Variants in DOCK3 observed in about 807,000 individuals in gnomAD.
The protein encoded by DOCK3 is dedicator of cytokinesis 3, also known as dedicator of cytokinesis protein 3.
In DOCK3, 60 loss-of-function variants were observed where a neutral mutation model predicts 265.6. The ratio of observed to expected loss-of-function variants is 0.23; its 90% confidence interval spans 0.18 to 0.28. The LOEUF (loss-of-function observed/expected upper bound fraction) is 0.28, where lower values mean the gene tolerates loss of function less well. Ranked by LOEUF, DOCK3 falls within the 10% of genes least tolerant of loss-of-function variation. The probability of loss-of-function intolerance (pLI) is 1.00; values close to 1 mark genes in which losing one functional copy is unlikely to be tolerated. For missense variants in DOCK3, 1,981 were observed against 2,594.3 expected, an observed-to-expected ratio of 0.76 and a Z score of 5.14; for synonymous variants, 881 against 938.0, an observed-to-expected ratio of 0.94 and a Z score of 1.11.
At chr3:50,759,637 A>G (rs1038267052) in intron 1 of DOCK3, among the ~76,000 whole-genome samples, 10 of 151,248 alleles carry the variant, frequency 6.6e-5, no homozygotes, top group South Asian at 2.1e-4. Flanking sequence ...CAGGAGTTCA[A>G]TACCAGCCTG....
At chr3:50,741,650 A>G (rs2039037389) in intron 1 of DOCK3, among the ~76,000 whole-genome samples, 1 of 149,686 alleles carries the variant, frequency 6.7e-6, no homozygotes, top group African/African-American at 2.4e-5. Context: ...TATATGTGCC[A>G]CATTTTCTTA....
intron 5 of DOCK3, among the ~76,000 whole-genome samples, chr3:51,021,926 G>A (rs755981820): frequency 6.6e-6 from 1 of 152,102 alleles, no homozygotes; most frequent in South Asian, 2.1e-4. Flanking sequence ...CTCCCTAAGT[G>A]CTGGGATTAC....
At chr3:51,303,034 T>C (rs767848996) in intron 27 of DOCK3, among the ~76,000 whole-genome samples, 2 of 152,200 alleles carry the variant, frequency 1.3e-5, no homozygotes, top group African/African-American at 2.4e-5. Flanking sequence ...GGTTCTGTTC[T>C]CCCTGTCTCA....
chr3:51,269,167 T>C (rs2080364368), intron 23 of DOCK3, among the ~76,000 whole-genome samples: 1 of 147,716 alleles, frequency 6.8e-6, no homozygotes. Flanking sequence ...ATACGTATAA[T>C]AATATACATA....
At position 50,687,812 on chromosome 3, in the gene DOCK3, T is replaced by C. The variant is rs541199161; in HGVS notation, c.37+12512T>C. Among the ~76,000 whole-genome samples, 7 of 152,324 alleles carry C rather than the reference T, an allele frequency of 4.6e-5. No homozygotes were observed. In the East Asian group the frequency reaches 9.6e-4, roughly 21 times the overall value. On this transcript the variant is annotated intron_variant, in intron 1 of 52. Transcript: ENST00000266037. ...AATGACCAGTTTAGTTTTCCTGATA[T>C]GTAATCATTCAAAGACTTGAATAGT...
At chr3:50,968,384 G>C (rs1395759471) in intron 5 of DOCK3, among the ~76,000 whole-genome samples, 1 of 152,106 alleles carries the variant, frequency 6.6e-6, no homozygotes, top group Non-Finnish European at 1.5e-5. Context: ...GTTTTCCATG[G>C]ATGTAGTGTG....
At chr3:51,222,135 C>T (rs959620837) in intron 14 of DOCK3, among the ~76,000 whole-genome samples, 8 of 152,216 alleles carry the variant, frequency 5.3e-5, no homozygotes, top group South Asian at 2.1e-4. Context: ...CACTGGTATG[C>T]AAACTAACCT....
At chr3:51,269,975 G>A (rs762422740) in intron 23 of DOCK3, among the ~76,000 whole-genome samples, 1 of 152,202 alleles carries the variant, frequency 6.6e-6, no homozygotes, top group African/African-American at 2.4e-5. Context: ...TTGAACTCGT[G>A]TCTAATTCCA....
intron 27 of DOCK3, among the ~76,000 whole-genome samples, chr3:51,302,908 C>T (rs2082434336): frequency 6.6e-6 from 1 of 152,016 alleles, no homozygotes; most frequent in African/African-American, 2.4e-5. Flanking sequence ...TGGGGTTGAT[C>T]TTCTTGTGGA....
chr3:50,961,093 A>G (rs1018805158), intron 5 of DOCK3, among the ~76,000 whole-genome samples: 1 of 152,172 alleles, frequency 6.6e-6, no homozygotes, highest in African/African-American at 2.4e-5. Flanking sequence ...TTGTAGGTAA[A>G]TATAGTAAGT....
chr3:51,252,842 A>C (rs904584636), intron 22 of DOCK3, among the ~76,000 whole-genome samples: 11 of 152,186 alleles, frequency 7.2e-5, no homozygotes, highest in Admixed American at 5.2e-4. Context: ...TTCCTAATTC[A>C]ATACCCTTTA....
intron 5 of DOCK3, among the ~76,000 whole-genome samples, chr3:50,978,850 T>C (rs941571645): frequency 1.3e-5 from 2 of 152,278 alleles, no homozygotes; most frequent in Middle Eastern, 3.4e-3. Context: ...TCTTGTGGTG[T>C]GCCGTTTTTT....
chr3:51,074,261 G>A lies in DOCK3; in HGVS notation c.465-1095G>A, dbSNP rs188300317. On this transcript the variant is annotated intron_variant, in intron 6 of 52. Coordinates refer to ENST00000266037, the MANE Select transcript of DOCK3 (RefSeq NM_004947.5). ...AATGAACACACACACAAACTCATCC[G>A]TGTCATAAGCAGTTTCAGAGGTCTA... Among the ~76,000 whole-genome samples, 123 of 152,198 alleles carry A rather than the reference G, an allele frequency of 8.1e-4. No individual in the cohort carries two copies. The Middle Eastern group carries it at 0.01, about 13-fold the overall frequency.
chr3:51,113,088 T>C lies in DOCK3; in HGVS notation c.746+22704T>C, dbSNP rs998362971. Reference sequence around the variant, plus strand: ...TTGTATGCCCACCATATATAAGATATTGTTCCAGCTGCTGGGGATTCAGCA... The same window carrying C: ...TTGTATGCCCACCATATATAAGATACTGTTCCAGCTGCTGGGGATTCAGCA... On this transcript the variant is annotated intron_variant, in intron 9 of 52. Coordinates refer to ENST00000266037, the MANE Select transcript of DOCK3 (RefSeq NM_004947.5). 2.6e-5 allele frequency among the ~76,000 whole-genome samples: 4 copies of C among 152,218 alleles called. No homozygotes were observed. In the East Asian group the frequency reaches 7.7e-4, roughly 29 times the overall value.
chr3:51,020,420 G>T (rs1364817472), intron 5 of DOCK3, among the ~76,000 whole-genome samples: 1 of 151,840 alleles, frequency 6.6e-6, no homozygotes, highest in Non-Finnish European at 1.5e-5. Flanking sequence ...TCTGTAGGTT[G>T]TCTGTTTACT....
chr3:51,106,596 C>A (rs2083290339), intron 9 of DOCK3, among the ~76,000 whole-genome samples: 2 of 152,210 alleles, frequency 1.3e-5, no homozygotes, highest in Admixed American at 1.3e-4. Context: ...TGCCTTGCCC[C>A]TGCACCAGGG....
At chr3:51,056,118 G>A (rs1387097717) in intron 5 of DOCK3, among the ~76,000 whole-genome samples, 1 of 152,078 alleles carries the variant, frequency 6.6e-6, no homozygotes, top group African/African-American at 2.4e-5. Flanking sequence ...GTGTGAATTA[G>A]CTTTGGTTTA....
intron 49 of DOCK3, among the ~76,000 whole-genome samples, chr3:51,367,300 G>A (rs1239287478): frequency 1.3e-5 from 2 of 151,992 alleles, no homozygotes; most frequent in African/African-American, 2.4e-5. Flanking sequence ...TATCAGAGAC[G>A]AGGATTGCAA....
At chr3:50,791,258 C>CTTTTTTT (rs34015684) in intron 2 of DOCK3, among the ~76,000 whole-genome samples, 4 of 62,780 alleles carry the variant, frequency 6.4e-5, no homozygotes, top group Admixed American at 1.9e-4. Flanking sequence ...TTAAATCTAT[C>CTTTTTTT]TTTTTTTTTT....
Sources: allele counts gnomAD v4.1 joint callset (sites outside exome capture counted in the v4.1 genomes callset), GRCh38; gene constraint gnomAD v4.1.1; transcripts MANE v1.5; gene names NCBI Gene and HGNC (gene_info 2026-07-23, HGNC 2026-07-21).